Variants in HMG20A observed in about 807,000 individuals in gnomAD.
HMG20A encodes high mobility group protein 20A.
In HMG20A, 17 loss-of-function variants were observed where a neutral mutation model predicts 43.9. The observed-to-expected ratio is 0.39, with a 90% CI of 0.27 to 0.58. The LOEUF (loss-of-function observed/expected upper bound fraction) is 0.58. HMG20A is among the 20% of genes least tolerant of loss of function. HMG20A has a pLI of 0.59. For missense variants in HMG20A, 341 were observed against 438.2 expected (o/e 0.78, Z 1.98); for synonymous variants, 132 against 147.5 (o/e 0.89, Z 0.76).
chr15:77,468,597 TCACACACACACA>T (rs141417839), intron 4 of HMG20A, among the ~76,000 whole-genome samples: 5 of 147,814 alleles, frequency 3.4e-5, no homozygotes, highest in East Asian at 2.0e-4. Context: ...TCTCTCTCTG[TCACACACACACA>T]CACACACACA....
intron 4 of HMG20A, among the ~76,000 whole-genome samples, chr15:77,468,277 A>G (rs2072774369): frequency 6.6e-6 from 1 of 152,094 alleles, no homozygotes; most frequent in South Asian, 2.1e-4. Context: ...TGTGCTCATT[A>G]TTCTCTTTTC....
chr15:77,515,976 G>A, the HMG20A span, among the ~76,000 whole-genome samples: 3 of 152,174 alleles, frequency 2.0e-5, no homozygotes, highest in Non-Finnish European at 4.4e-5. Flanking sequence ...AGTCTCTAGT[G>A]GGCTGATGCT....
In HMG20A at chr15:77,462,893, C is replaced by T. The variant is rs1458271640; in HGVS notation, c.90-1347C>T. 5.3e-5 allele frequency among the ~76,000 whole-genome samples: 8 copies of T among 151,718 alleles called. No individual in the cohort carries two copies. The East Asian group carries it at 1.5e-3, about 29-fold the overall frequency. On this transcript the variant is annotated intron_variant, in intron 2 of 9. Coordinates refer to ENST00000336216, the MANE Select transcript of HMG20A (RefSeq NM_001304504.2). ...GTTCAAGCGGTTCTCCTGCCTCAGC[C>T]TTCTGAGTAGCTAGGATTACAGGCA...
chr15:77,447,965 T>C (rs1015483964), intron 1 of HMG20A, among the ~76,000 whole-genome samples: 1 of 152,246 alleles, frequency 6.6e-6, no homozygotes, highest in Non-Finnish European at 1.5e-5. Flanking sequence ...CCTTTTTTAC[T>C]AAACTGATTA....
rs114295117 is a variant in HMG20A at position 77,452,745 on chromosome 15, A to T, written c.-4-5659A>T. The stretch of plus-strand genomic sequence containing the variant: ...AGCACAAGCAACCAAAGAAAAAAAA[A>T]AGATAATTTGTACTTTAAAGTTAAA... On this transcript the variant is annotated intron_variant, in intron 1 of 9. Coordinates refer to ENST00000336216, the MANE Select transcript of HMG20A (RefSeq NM_001304504.2). Among the ~76,000 whole-genome samples, 1,102 of 152,320 alleles carry T rather than the reference A, an allele frequency of 7.2e-3. 15 individuals are homozygous for T. The highest frequency in any genetic ancestry group is 0.025 in the African/African-American group (1,046 of 41,572).
chr15:77,452,395 C>G (rs953029281), intron 1 of HMG20A, among the ~76,000 whole-genome samples: 4 of 152,156 alleles, frequency 2.6e-5, no homozygotes, highest in African/African-American at 9.7e-5. Context: ...ACAGAATGCT[C>G]TGGTAGTACA....
chr15:77,446,663 C>T (rs942551980), intron 1 of HMG20A, among the ~76,000 whole-genome samples: 11 of 152,006 alleles, frequency 7.2e-5, no homozygotes, highest in South Asian at 2.1e-4. Flanking sequence ...AAAAATTAGC[C>T]GGGCATGGTG....
At chr15:77,514,422 T>A in the HMG20A span, among the ~76,000 whole-genome samples, 1 of 152,152 alleles carries the variant, frequency 6.6e-6, no homozygotes, top group East Asian at 1.9e-4. Context: ...ATAAAGAAGA[T>A]CTCGGAGATA....
chr15:77,498,762 T>C, the HMG20A span, among the ~76,000 whole-genome samples: 1 of 152,158 alleles, frequency 6.6e-6, no homozygotes, highest in Non-Finnish European at 1.5e-5. Flanking sequence ...TTTTCCTGGG[T>C]TCTACAAAGA....
chr15:77,513,223 C>T, the HMG20A span, among the ~76,000 whole-genome samples: 1 of 152,190 alleles, frequency 6.6e-6, no homozygotes, highest in African/African-American at 2.4e-5. Flanking sequence ...ATCCTACCTT[C>T]ACTGGCTGCA....
Position 77,464,222 on chromosome 15 carries a change from C to T in HMG20A, c.90-18C>T. ...AGGTGGAGTTTTTGTGTTGTTGATA[C>T]TTCTGCCTATTATTCAGGTTAAATC... On this transcript the variant is annotated intron_variant, in intron 2 of 9. Coordinates refer to ENST00000336216, the MANE Select transcript of HMG20A (RefSeq NM_001304504.2). The T allele has an allele frequency of 6.2e-7, 1 of 1,611,368 alleles. No homozygotes were observed. The highest frequency in any genetic ancestry group is 8.5e-7 in the Non-Finnish European group (1 of 1,178,102).
downstream of HMG20A, among the ~76,000 whole-genome samples, chr15:77,488,849 T>TA (rs2072958407): frequency 6.6e-6 from 1 of 152,250 alleles, no homozygotes; most frequent in South Asian, 2.1e-4. Flanking sequence ...ACACTTCAGA[T>TA]ACAGTCATAT....
intron 7 of HMG20A, chr15:77,478,076 A>T: frequency 1.7e-6 from 1 of 581,632 alleles, no homozygotes; most frequent in Non-Finnish European, 3.1e-6. Flanking sequence ...TTGCAATCTT[A>T]TGTATGGAAT....
chr15:77,506,254 C>T, the HMG20A span, among the ~76,000 whole-genome samples: 1 of 152,092 alleles, frequency 6.6e-6, no homozygotes, highest in Admixed American at 6.5e-5. Flanking sequence ...CCGATCCCAG[C>T]CAAGCCGTCT....
chr15:77,511,812 A>T, the HMG20A span, among the ~76,000 whole-genome samples: 1 of 152,216 alleles, frequency 6.6e-6, no homozygotes, highest in Admixed American at 6.5e-5. Flanking sequence ...GTTGGTAGGA[A>T]TATAAAATAG....
intron 4 of HMG20A, among the ~76,000 whole-genome samples, chr15:77,468,597 T>TCACACACACA (rs141417839): frequency 0.069 from 10,242 of 147,708 alleles, 437 homozygotes; most frequent in Non-Finnish European, 0.095. Context: ...TCTCTCTCTG[T>TCACACACACA]CACACACACA....
intron 6 of HMG20A, 25 bp downstream of exon 6, chr15:77,471,839 CAT>C (rs1567405446): frequency 7.6e-7 from 1 of 1,309,212 alleles, no homozygotes; most frequent in East Asian, 2.4e-5. Context: ...GTCTACATAT[CAT>C]ATATATGTAT....
chr15:77,490,651 C>T, the HMG20A span, among the ~76,000 whole-genome samples: 1 of 152,138 alleles, frequency 6.6e-6, no homozygotes, highest in African/African-American at 2.4e-5. Context: ...GGTGAAACCC[C>T]ATCTCTATAA....
At chr15:77,462,868 G>T (rs1327332245) in intron 2 of HMG20A, among the ~76,000 whole-genome samples, 1 of 150,654 alleles carries the variant, frequency 6.6e-6, no homozygotes, top group African/African-American at 2.4e-5. Context: ...CCCTTCCCAG[G>T]TTCAAGCGGT....
Sources: allele counts gnomAD v4.1 joint callset (sites outside exome capture counted in the v4.1 genomes callset), GRCh38; gene constraint gnomAD v4.1.1; transcripts MANE v1.5; gene names NCBI Gene and HGNC (gene_info 2026-07-23, HGNC 2026-07-21).